Variants in SPMIP3 observed in about 807,000 individuals in gnomAD.
SPMIP3 encodes sperm microtubule inner protein 3.
the SPMIP3 span, chr1:244,389,048 A>T: frequency 6.2e-7 from 1 of 1,613,160 alleles, no homozygotes; most frequent in Non-Finnish European, 8.5e-7. Flanking sequence ...GCTTTGAAAG[A>T]AATGCTTTTA....
At chr1:244,353,677 A>T in the SPMIP3 span, among the ~76,000 whole-genome samples, 1 of 152,152 alleles carries the variant, frequency 6.6e-6, no homozygotes, top group African/African-American at 2.4e-5. Context: ...GCCCTGAAGA[A>T]TGGGCTTAAT....
the SPMIP3 span, among the ~76,000 whole-genome samples, chr1:244,385,237 G>C: frequency 1.3e-5 from 2 of 152,174 alleles, no homozygotes; most frequent in Non-Finnish European, 2.9e-5. Context: ...GGTATGTCTA[G>C]ATTAGCAAGG....
the SPMIP3 span, among the ~76,000 whole-genome samples, chr1:244,356,899 C>CTTCTT: frequency 1.5e-4 from 22 of 142,644 alleles, no homozygotes; most frequent in African/African-American, 5.0e-4. Context: ...CCTTCCCTTT[C>CTTCTT]TTCTTTTCTT....
the SPMIP3 span, among the ~76,000 whole-genome samples, chr1:244,359,615 C>CGTA: frequency 1.3e-5 from 2 of 151,760 alleles, no homozygotes; most frequent in African/African-American, 2.4e-5. Flanking sequence ...CCCAACTACT[C>CGTA]GGGAGGCTGA....
At chr1:244,365,197 C>T in the SPMIP3 span, among the ~76,000 whole-genome samples, 1 of 152,218 alleles carries the variant, frequency 6.6e-6, no homozygotes. Flanking sequence ...TAAGTACCTG[C>T]TCTGACACCA....
At chr1:244,366,338 T>A in the SPMIP3 span, among the ~76,000 whole-genome samples, 2 of 152,134 alleles carry the variant, frequency 1.3e-5, no homozygotes, top group Admixed American at 6.5e-5. Flanking sequence ...GGCTAATTTT[T>A]AAATTTTTTG....
chr1:244,380,200 A>C, the SPMIP3 span, among the ~76,000 whole-genome samples: 1 of 130,408 alleles, frequency 7.7e-6, no homozygotes, highest in Non-Finnish European at 1.5e-5. Context: ...ACCATCTGGG[A>C]CCTCCACCTC....
At chr1:244,374,690 G>A in the SPMIP3 span, among the ~76,000 whole-genome samples, 8 of 140,492 alleles carry the variant, frequency 5.7e-5, no homozygotes, top group East Asian at 6.9e-4. Flanking sequence ...TCTGCCTCCC[G>A]AGTTAAAGCA....
chr1:244,354,919 T>G, the SPMIP3 span, among the ~76,000 whole-genome samples: 1 of 152,210 alleles, frequency 6.6e-6, no homozygotes, highest in Non-Finnish European at 1.5e-5. Flanking sequence ...GACTGTGCTT[T>G]AATTTTATAT....
the SPMIP3 span, among the ~76,000 whole-genome samples, chr1:244,371,618 C>T: frequency 6.6e-6 from 1 of 152,220 alleles, no homozygotes; most frequent in Non-Finnish European, 1.5e-5. Context: ...TTCTAAGGAG[C>T]AGCGCTGAGT....
the SPMIP3 span, among the ~76,000 whole-genome samples, chr1:244,372,665 G>C: frequency 1.4e-3 from 207 of 152,182 alleles, no homozygotes; most frequent in East Asian, 0.013. Context: ...GGATGGTCTC[G>C]AACTCCTGAC....
At chr1:244,375,756 C>T in the SPMIP3 span, among the ~76,000 whole-genome samples, 1 of 152,024 alleles carries the variant, frequency 6.6e-6, no homozygotes, top group Non-Finnish European at 1.5e-5. Flanking sequence ...CCTCCACCTC[C>T]CAGGTTCGAG....
chr1:244,354,932 A>G, the SPMIP3 span, among the ~76,000 whole-genome samples: 1 of 152,184 alleles, frequency 6.6e-6, no homozygotes, highest in Non-Finnish European at 1.5e-5. Flanking sequence ...TTTTATATGC[A>G]CTTGTGTGGC....
At chr1:244,389,364 T>G in the SPMIP3 span, 1 of 185,582 alleles carries the variant, frequency 5.4e-6, no homozygotes, top group Admixed American at 5.6e-5. Flanking sequence ...GATCATTGTG[T>G]CTGCACAATA....
chr1:244,380,732 C>T, the SPMIP3 span, among the ~76,000 whole-genome samples: 82,356 of 151,878 alleles, frequency 0.54, 22,461 homozygotes, highest in South Asian at 0.62. Flanking sequence ...TGTCTCTTTC[C>T]ATTTACTTAA....
the SPMIP3 span, among the ~76,000 whole-genome samples, chr1:244,368,619 G>A: frequency 2.6e-5 from 4 of 152,232 alleles, no homozygotes; most frequent in Non-Finnish European, 4.4e-5. Context: ...CTGTAGGCAC[G>A]GTTGTTGAAA....
the SPMIP3 span, among the ~76,000 whole-genome samples, chr1:244,367,549 A>G: frequency 6.6e-6 from 1 of 152,142 alleles, no homozygotes; most frequent in Admixed American, 6.5e-5. Context: ...TGGGGGCAAC[A>G]AGACTAGTTC....
At chr1:244,357,266 A>C in the SPMIP3 span, among the ~76,000 whole-genome samples, 1 of 152,126 alleles carries the variant, frequency 6.6e-6, no homozygotes, top group Non-Finnish European at 1.5e-5. Flanking sequence ...GTAAACGTAC[A>C]GTATGGCAAA....
chr1:244,371,376 C>A, the SPMIP3 span, among the ~76,000 whole-genome samples: 1 of 152,202 alleles, frequency 6.6e-6, no homozygotes, highest in Non-Finnish European at 1.5e-5. Flanking sequence ...TCACTGAGGC[C>A]GGGTAATGCA....
Sources: allele counts gnomAD v4.1 joint callset (sites outside exome capture counted in the v4.1 genomes callset), GRCh38; gene constraint gnomAD v4.1.1; transcripts MANE v1.5; gene names NCBI Gene and HGNC (gene_info 2026-07-23, HGNC 2026-07-21).